Variants in ATP2B2 observed in about 807,000 individuals in gnomAD.
ATP2B2 encodes plasma membrane calcium-transporting ATPase 2.
ATP2B2 carries 15 observed loss-of-function variants against 120.0 expected under a neutral mutation model. The ratio of observed to expected loss-of-function variants is 0.12; its 90% CI spans 0.08 to 0.19. The LOEUF is 0.19. Among genes scored for constraint, ATP2B2 ranks in the 10% least tolerant of loss-of-function variants. The probability of loss-of-function intolerance (pLI) is 1.00; values close to 1 mark genes in which losing one functional copy is unlikely to be tolerated. For synonymous variants in ATP2B2, 694 were observed against 700.3 expected (o/e 0.99, Z 0.14); for missense variants, 1,045 against 1,719.8 (o/e 0.61, Z 6.94).
intron 2 of ATP2B2, among the ~76,000 whole-genome samples, chr3:10,447,903 C>T (rs62238390): frequency 0.012 from 1,773 of 152,340 alleles, 14 homozygotes; most frequent in Middle Eastern, 0.024. Flanking sequence ...TGCCTGGGCT[C>T]AGGCGATGGG....
chr3:10,507,333 T>C (rs748469141), upstream of ATP2B2, among the ~76,000 whole-genome samples: 37 of 152,066 alleles, frequency 2.4e-4, no homozygotes, highest in Admixed American at 2.6e-4. Context: ...TCTACCCCTC[T>C]TAGGGGTGTA....
chr3:10,700,622 A>T (rs1298624684), intron 1 of ATP2B2, among the ~76,000 whole-genome samples: 2 of 152,242 alleles, frequency 1.3e-5, no homozygotes, highest in Non-Finnish European at 2.9e-5. Context: ...TTCTTGAAGG[A>T]ATGAAAAGAC....
chr3:10,647,615 A>G (rs901964839), intron 1 of ATP2B2, among the ~76,000 whole-genome samples: 1 of 152,070 alleles, frequency 6.6e-6, no homozygotes, highest in Non-Finnish European at 1.5e-5. Context: ...TCGGAGAATG[A>G]GGCAGGGGGC....
At chr3:10,382,248 C>G (rs1167259013) in intron 8 of ATP2B2, among the ~76,000 whole-genome samples, 1 of 131,920 alleles carries the variant, frequency 7.6e-6, no homozygotes, top group African/African-American at 3.0e-5. Context: ...GATGTCTAGG[C>G]TGGTCTCAAA....
At chr3:10,472,201 A>G (rs1003074466) in intron 1 of ATP2B2, among the ~76,000 whole-genome samples, 1 of 125,854 alleles carries the variant, frequency 7.9e-6, no homozygotes, top group Non-Finnish European at 1.7e-5. Context: ...CGAAGCAGGA[A>G]GATGGGAGCC....
At chr3:10,356,882 G>A (rs548092671) in intron 14 of ATP2B2, among the ~76,000 whole-genome samples, 3 of 152,146 alleles carry the variant, frequency 2.0e-5, no homozygotes, top group Non-Finnish European at 2.9e-5. Context: ...AAGCTCCAGG[G>A]GCATTAATTG....
intron 2 of ATP2B2, among the ~76,000 whole-genome samples, chr3:10,574,489 A>G (rs1383410683): frequency 1.3e-5 from 2 of 152,160 alleles, no homozygotes; most frequent in Non-Finnish European, 2.9e-5. Context: ...GGCATTCTCC[A>G]TATCAACCTT....
intron 2 of ATP2B2, among the ~76,000 whole-genome samples, chr3:10,431,224 G>C (rs1046559164): frequency 6.6e-6 from 1 of 152,178 alleles, no homozygotes; most frequent in Non-Finnish European, 1.5e-5. Flanking sequence ...ATTGAGCAGC[G>C]GCAGTGTTTG....
At chr3:10,364,230 G>A (rs2060978611) in intron 12 of ATP2B2, among the ~76,000 whole-genome samples, 2 of 152,066 alleles carry the variant, frequency 1.3e-5, no homozygotes, top group South Asian at 4.2e-4. Flanking sequence ...GGGAGGAGAG[G>A]GGAATGGAAA....
chr3:10,487,896 C>T (rs920361564), intron 1 of ATP2B2, among the ~76,000 whole-genome samples: 24 of 152,298 alleles, frequency 1.6e-4, no homozygotes, highest in African/African-American at 5.8e-4. Context: ...AATCGAAGTC[C>T]ACTTGTTTTC....
chr3:10,564,473 T>C (rs773255319), intron 2 of ATP2B2, among the ~76,000 whole-genome samples: 3 of 152,196 alleles, frequency 2.0e-5, no homozygotes, highest in Non-Finnish European at 2.9e-5. Flanking sequence ...CTTGCCAGAA[T>C]TGTCTGCCTT....
At chr3:10,531,210 C>T (rs954483993) in intron 3 of ATP2B2, among the ~76,000 whole-genome samples, 1 of 152,188 alleles carries the variant, frequency 6.6e-6, no homozygotes, top group Non-Finnish European at 1.5e-5. Context: ...CACTCCCTCC[C>T]CTCGGGCTCA....
At chr3:10,562,004 T>C (rs924144971) in intron 2 of ATP2B2, among the ~76,000 whole-genome samples, 11 of 152,208 alleles carry the variant, frequency 7.2e-5, no homozygotes, top group African/African-American at 1.9e-4. Flanking sequence ...CAGCATCTCA[T>C]GCAAAAGCTG....
In ATP2B2 at chr3:10,382,217, G is replaced by A. The variant is rs201071239; in HGVS notation, c.1001-2933C>T. 2.1e-3 allele frequency among the ~76,000 whole-genome samples: 56 copies of A among 26,726 alleles called. 1 individual carries two copies. Among genetic ancestry groups the A allele is most frequent in the Non-Finnish European group, 3.3e-3 (48 of 14,454 alleles). The allele number at this position is 26,726 out of a possible 152,430, so 17.5% of individuals were successfully genotyped here. On this transcript the variant is annotated intron_variant, in intron 8 of 22. Transcript: ENST00000360273. ...ATTAAATTTTTTTTTTTTTTTTTTT[G>A]TAGAGATGTGGTCTCACTATGATGT... is the stretch of plus-strand genomic sequence containing the variant.
chr3:10,508,317 C>T (rs546596436), upstream of ATP2B2, among the ~76,000 whole-genome samples: 1 of 152,328 alleles, frequency 6.6e-6, no homozygotes, highest in Admixed American at 6.5e-5. Flanking sequence ...TCTGCTTCCC[C>T]AGACAGTCCT....
intron 1 of ATP2B2, among the ~76,000 whole-genome samples, chr3:10,463,386 C>T (rs1376613955): frequency 6.6e-6 from 1 of 152,158 alleles, no homozygotes; most frequent in East Asian, 1.9e-4. Context: ...ACCTGCCTTT[C>T]AAAGCAGAAA....
intron 2 of ATP2B2, among the ~76,000 whole-genome samples, chr3:10,570,843 C>T (rs1245747308): frequency 1.3e-5 from 2 of 152,252 alleles, no homozygotes; most frequent in Non-Finnish European, 2.9e-5. Context: ...CTGACCAAGG[C>T]CTGAAAGGCC....
At chr3:10,423,631 G>C (rs2063059828) in intron 2 of ATP2B2, among the ~76,000 whole-genome samples, 1 of 152,182 alleles carries the variant, frequency 6.6e-6, no homozygotes, top group African/African-American at 2.4e-5. Context: ...TCCTCCTTCT[G>C]GGGAGGGGCC....
At chr3:10,455,652 T>G (rs2064227270) in intron 1 of ATP2B2, among the ~76,000 whole-genome samples, 1 of 152,224 alleles carries the variant, frequency 6.6e-6, no homozygotes, top group African/African-American at 2.4e-5. Flanking sequence ...CTCTCAACAC[T>G]GCACAGGTGA....
Sources: allele counts gnomAD v4.1 joint callset (sites outside exome capture counted in the v4.1 genomes callset), GRCh38; gene constraint gnomAD v4.1.1; transcripts MANE v1.5; gene names NCBI Gene and HGNC (gene_info 2026-07-23, HGNC 2026-07-21).